The following CHD2 variants were observed in gnomAD, a reference collection of about 807,000 sequenced individuals.
CHD2 encodes the protein ATP-dependent chromatin remodeler CHD2.
CHD2 carries 28 observed loss-of-function variants against 243.9 expected under a neutral mutation model. The ratio of observed to expected loss-of-function variants is 0.11; its 90% confidence interval spans 0.09 to 0.16. CHD2 has a LOEUF of 0.16. CHD2 is among the 10% of genes least tolerant of loss of function. The pLI, the probability that CHD2 is intolerant of heterozygous loss-of-function variation, is 1.00. For synonymous variants in CHD2, 775 were observed against 779.0 expected, an observed-to-expected ratio of 0.99 and a Z score of 0.09; for missense variants, 1,386 against 2,209.8, an observed-to-expected ratio of 0.63 and a Z score of 7.47.
intron 17 of CHD2, among the ~76,000 whole-genome samples, chr15:92,967,865 C>T (rs955027872): frequency 1.3e-5 from 2 of 151,974 alleles, no homozygotes; most frequent in Admixed American, 6.6e-5. Flanking sequence ...TTAACAGTTT[C>T]GTAATATCTA....
intron 2 of CHD2, among the ~76,000 whole-genome samples, chr15:92,906,267 C>T (rs536263334): frequency 2.5e-4 from 38 of 152,238 alleles, no homozygotes; most frequent in African/African-American, 8.7e-4. Context: ...CTCTCTCTCT[C>T]TGTATCCTTG....
rs1279395833 is a variant in CHD2, at chr15:93,024,684, C to T, written c.5466C>T (p.Asn1822=). 1 of 1,611,348 alleles carries T rather than the reference C, an allele frequency of 6.2e-7. No homozygotes were observed. Among genetic ancestry groups the T allele is most frequent in the Admixed American group, 1.7e-5 (1 of 59,650 alleles). The change falls in exon 39 of 39, where the codon AAC becomes AAT. Residue 1822 remains asparagine (N), a synonymous_variant. Transcript: ENST00000394196. ...AACAGAAAAACAACCCAGATTATAA[C>T]TGGAATGTTCGGAAAACATAAAGGA... ...SLEQKNNPDY[N]WNVRKT
intron 5 of CHD2, among the ~76,000 whole-genome samples, chr15:92,934,256 C>T (rs938317489): frequency 1.3e-5 from 2 of 152,218 alleles, no homozygotes; most frequent in African/African-American, 4.8e-5. Context: ...TAGCCAACCA[C>T]CTTTTCCCAA....
chr15:92,929,024 C>A lies in CHD2; in HGVS notation c.382-6C>A, dbSNP rs756487303. 1 of 1,611,108 alleles carries A rather than the reference C, an allele frequency of 6.2e-7. No individual in the cohort carries two copies. Among genetic ancestry groups the A allele is most frequent in the Admixed American group, 1.7e-5 (1 of 59,722 alleles). ...GTAATCATTTTTCCCCCCTCACACA[C>A]TGAAGGCAAGTAGCGGGTCTGAGAG... On this transcript the variant is annotated splice_region_variant and splice_polypyrimidine_tract_variant and intron_variant, in intron 4 of 38. Transcript: ENST00000394196.
intron 19 of CHD2, 132 bp from the exon 20 acceptor site, chr15:92,974,747 G>A (rs1596423020): frequency 1.4e-6 from 1 of 718,132 alleles, no homozygotes; most frequent in Non-Finnish European, 2.4e-6. Context: ...CTTCTTCATA[G>A]CGCTTTGCCA....
intron 12 of CHD2, among the ~76,000 whole-genome samples, chr15:92,947,739 G>T (rs753812746): frequency 1.3e-5 from 2 of 152,174 alleles, no homozygotes; most frequent in South Asian, 2.1e-4. Flanking sequence ...TATGGGGTAG[G>T]TTTGGTAGGA....
intron 19 of CHD2, 47 bp downstream of exon 19, chr15:92,972,464 C>A (rs1259099251): frequency 6.0e-6 from 9 of 1,503,614 alleles, no homozygotes; most frequent in Non-Finnish European, 7.2e-6. Context: ...ATCTCTCTCT[C>A]CGCCTCCCCT....
chr15:92,949,628 A>T (rs1245218332), intron 13 of CHD2, among the ~76,000 whole-genome samples: 1 of 152,176 alleles, frequency 6.6e-6, no homozygotes, highest in Non-Finnish European at 1.5e-5. Flanking sequence ...GGGGGGTGAA[A>T]AAAAGATGAG....
chr15:92,932,527 A>G (rs1172369683), intron 5 of CHD2, among the ~76,000 whole-genome samples: 2 of 140,780 alleles, frequency 1.4e-5, no homozygotes, highest in African/African-American at 5.4e-5. Flanking sequence ...CCCACCTATG[A>G]GTGAGAACGT....
intron 16 of CHD2, among the ~76,000 whole-genome samples, chr15:92,959,059 GT>G (rs1358887342): frequency 6.6e-6 from 1 of 152,166 alleles, no homozygotes; most frequent in Non-Finnish European, 1.5e-5. Flanking sequence ...CTTTTTGAAT[GT>G]TGTCTTTCAA....
rs1410176151 is a variant in CHD2 at position 92,960,500 on chromosome 15, A to AATGCTTATTTTCTG, written c.2000+3852_2000+3865dup. Reference sequence around the variant, plus strand: ...AAAGAATGGATATTAGGTTTTGTCAAATGCTTATTTTCTGTGTCTGTTGAG... The same window carrying AATGCTTATTTTCTG: ...AAAGAATGGATATTAGGTTTTGTCAAATGCTTATTTTCTGATGCTTATTTTCTGTGTCTGTTGAG... On this transcript the variant is annotated intron_variant, in intron 16 of 38. Transcript: ENST00000394196. Among the ~76,000 whole-genome samples the AATGCTTATTTTCTG allele has an allele frequency of 3.3e-5, 5 of 152,000 alleles. No individual in the cohort carries two copies. In the East Asian group the frequency reaches 9.6e-4, roughly 29 times the overall value.
intron 4 of CHD2, 51 bp from the exon 5 acceptor site, chr15:92,928,979 A>G (rs1445950559): frequency 6.5e-7 from 1 of 1,548,978 alleles, no homozygotes; most frequent in African/African-American, 1.4e-5. Flanking sequence ...GTTGTCCCGA[A>G]GAACTGTGAA....
chr15:92,978,202 C>G, intron 20 of CHD2, 32 bp from the exon 21 acceptor site: 1 of 1,613,160 alleles, frequency 6.2e-7, no homozygotes, highest in East Asian at 2.2e-5. Flanking sequence ...GAGAAGGCCA[C>G]TGCATAAAGT....
chr15:92,904,914 C>G, intron 2 of CHD2: 1 of 1,535,898 alleles, frequency 6.5e-7, no homozygotes, highest in Non-Finnish European at 8.7e-7. Flanking sequence ...ATACATGGCT[C>G]ATAAACAAAG....
At chr15:92,987,840 A>G (rs1197142610) in intron 26 of CHD2, among the ~76,000 whole-genome samples, 2 of 150,470 alleles carry the variant, frequency 1.3e-5, no homozygotes, top group Non-Finnish European at 3.0e-5. Flanking sequence ...CATTTTAATT[A>G]CCTTAAAAAA....
intron 14 of CHD2, 165 bp downstream of exon 14, chr15:92,953,738 A>C (rs1567140048): frequency 4.7e-6 from 3 of 638,480 alleles, no homozygotes; most frequent in Non-Finnish European, 8.0e-6. Context: ...TGCAACTCAG[A>C]TGTTCTTTAA....
intron 5 of CHD2, among the ~76,000 whole-genome samples, chr15:92,936,742 C>A (rs2053273481): frequency 6.6e-6 from 1 of 151,926 alleles, no homozygotes; most frequent in African/African-American, 2.4e-5. Context: ...GAGTTTCTAC[C>A]CAGTATCAGC....
chr15:92,952,401 C>T (rs1181284162), intron 13 of CHD2, among the ~76,000 whole-genome samples: 3 of 152,132 alleles, frequency 2.0e-5, no homozygotes, highest in Admixed American at 6.5e-5. Flanking sequence ...ATTATTATTA[C>T]ATTATACTAT....
At chr15:93,014,967 C>A in intron 37 of CHD2, 58 bp downstream of exon 37, 5 of 1,409,244 alleles carry the variant, frequency 3.5e-6, no homozygotes, top group Non-Finnish European at 5.0e-6. Context: ...ATTCACACAG[C>A]CGTTTCATTT....
Sources: allele counts gnomAD v4.1 joint callset (sites outside exome capture counted in the v4.1 genomes callset), GRCh38; gene constraint gnomAD v4.1.1; transcripts MANE v1.5; gene names NCBI Gene and HGNC (gene_info 2026-07-23, HGNC 2026-07-21).